ADGRL3: variants seen among roughly 807,000 people sequenced by gnomAD.
ADGRL3 encodes the protein adhesion G protein-coupled receptor L3, also known as calcium-independent alpha-latrotoxin receptor 3.
In ADGRL3, 62 loss-of-function variants were observed where a neutral mutation model predicts 153.5. The ratio of observed to expected loss-of-function variants is 0.40; its 90% confidence interval spans 0.33 to 0.50. The LOEUF is 0.50. Among genes scored for constraint, ADGRL3 ranks in the 20% least tolerant of loss-of-function variants. ADGRL3 has a pLI of 0.47. For synonymous variants in ADGRL3, 710 were observed against 672.5 expected (o/e 1.06, Z -0.86); for missense variants, 1,641 against 1,859.4 (o/e 0.88, Z 2.16).
chr4:61,733,094 A>G lies in ADGRL3; in HGVS notation c.939A>G (p.Ala313=), dbSNP rs1434837207. Residue 313 remains alanine, a synonymous_variant, in exon 8 of 27, where the codon GCA becomes GCG. Transcript: ENST00000683033. The part of the protein sequence containing the change: ...TRIKSGEAII[A]NANYHDTSPY... The stretch of plus-strand genomic sequence containing the variant: ...TAAAGAGTGGAGAGGCTATCATAGC[A>G]AATGCCAATTACCATGATACCTCCC... 3.1e-6 allele frequency: 5 copies of G among 1,613,604 alleles called. No individual in the cohort carries two copies. In the South Asian group the frequency reaches 5.5e-5, roughly 18 times the overall value.
At chr4:61,605,328 G>T (rs2099028279) in intron 5 of ADGRL3, among the ~76,000 whole-genome samples, 1 of 152,096 alleles carries the variant, frequency 6.6e-6, no homozygotes, top group South Asian at 2.1e-4. Flanking sequence ...ATCTTAAAAA[G>T]TAAATAATAT....
At chr4:61,837,074 G>A (rs531014488) in intron 9 of ADGRL3, among the ~76,000 whole-genome samples, 7 of 152,142 alleles carry the variant, frequency 4.6e-5, no homozygotes, top group African/African-American at 1.7e-4. Context: ...GAAATGAAAG[G>A]CTGAGGCTTA....
At chr4:61,231,198 T>G (rs913954138) in intron 1 of ADGRL3, among the ~76,000 whole-genome samples, 3 of 152,232 alleles carry the variant, frequency 2.0e-5, no homozygotes, top group African/African-American at 7.2e-5. Context: ...GTAATGAAAC[T>G]AAATCCATGT....
intron 1 of ADGRL3, among the ~76,000 whole-genome samples, chr4:61,272,724 A>G (rs2093262433): frequency 6.6e-6 from 1 of 152,158 alleles, no homozygotes. Flanking sequence ...TTAATTGTCA[A>G]AACTATTGAA....
At chr4:61,467,840 C>G (rs910171484) in intron 2 of ADGRL3, among the ~76,000 whole-genome samples, 3 of 152,042 alleles carry the variant, frequency 2.0e-5, no homozygotes, top group Non-Finnish European at 4.4e-5. Flanking sequence ...TGTTACTATC[C>G]TTATAAAATA....
chr4:61,436,859 A>G (rs182764990), intron 2 of ADGRL3, among the ~76,000 whole-genome samples: 9 of 147,730 alleles, frequency 6.1e-5, no homozygotes. Flanking sequence ...GAGCATTAGA[A>G]TAATGCTTTT....
intron 9 of ADGRL3, among the ~76,000 whole-genome samples, chr4:61,886,521 A>G (rs1002204745): frequency 3.3e-5 from 5 of 152,206 alleles, no homozygotes; most frequent in Admixed American, 6.5e-5. Flanking sequence ...AGAAAGGTAC[A>G]TATTTAGAGA....
At chr4:61,291,175 TACACACAC>T (rs68037459) in intron 1 of ADGRL3, among the ~76,000 whole-genome samples, 8,072 of 135,410 alleles carry the variant, frequency 0.06, 272 homozygotes, top group Non-Finnish European at 0.087. Flanking sequence ...CCTGGATCAA[TACACACAC>T]ACACACACAC....
intron 19 of ADGRL3, among the ~76,000 whole-genome samples, chr4:61,991,842 T>C (rs945922305): frequency 3.1e-4 from 46 of 149,788 alleles, no homozygotes; most frequent in African/African-American, 1.1e-3. Context: ...GTTTATTCCT[T>C]TCTTATTCTC....
chr4:61,433,154 C>T (rs970774819), intron 2 of ADGRL3, among the ~76,000 whole-genome samples: 1 of 151,948 alleles, frequency 6.6e-6, no homozygotes, highest in Non-Finnish European at 1.5e-5. Flanking sequence ...AAGACTATGT[C>T]TATTTTCTTA....
intron 4 of ADGRL3, among the ~76,000 whole-genome samples, chr4:61,553,403 G>T (rs924123475): frequency 7.9e-5 from 12 of 152,142 alleles, no homozygotes; most frequent in African/African-American, 2.9e-4. Context: ...TTGGGCAGAT[G>T]AGAGAGATTT....
At chr4:61,829,898 G>A (rs1205145119) in intron 9 of ADGRL3, among the ~76,000 whole-genome samples, 1 of 152,092 alleles carries the variant, frequency 6.6e-6, no homozygotes, top group African/African-American at 2.4e-5. Flanking sequence ...TGGACATGGT[G>A]GTTCATGCCT....
At chr4:62,055,510 T>C (rs1736516471) in intron 25 of ADGRL3, among the ~76,000 whole-genome samples, 1 of 151,856 alleles carries the variant, frequency 6.6e-6, no homozygotes, top group Non-Finnish European at 1.5e-5. Flanking sequence ...TTTATGACTT[T>C]AGAAAAAAAT....
At chr4:61,432,638 CTTTCTTTCTTTCTTTCTTTTTT>C (rs2097381060) in intron 2 of ADGRL3, among the ~76,000 whole-genome samples, 3 of 23,944 alleles carry the variant, frequency 1.3e-4, no homozygotes, top group East Asian at 2.0e-3. Context: ...TTCTTTCTTT[CTTTCTTTCTTTCTTTCTTTTTT>C]TTTTTTTTTT....
At chr4:62,016,144 G>A (rs2099210512) in intron 21 of ADGRL3, among the ~76,000 whole-genome samples, 2 of 151,994 alleles carry the variant, frequency 1.3e-5, no homozygotes, top group Admixed American at 6.6e-5. Flanking sequence ...CGCCTCTCAG[G>A]TTCAAGCGAT....
In ADGRL3 at chr4:61,597,741, T is replaced by TA. The variant is rs887235620; in HGVS notation, c.473+10302dup. ...ATGGTATAGCCTTCAGGTTTTCTGTTATAGGTGATATATATTTCATATGTA... is the reference window on the plus strand; with the variant it reads ...ATGGTATAGCCTTCAGGTTTTCTGTTAATAGGTGATATATATTTCATATGTA... On this transcript the variant is annotated intron_variant, in intron 5 of 26. Coordinates refer to ENST00000683033, the MANE Select transcript of ADGRL3 (RefSeq NM_001387552.1). Among the ~76,000 whole-genome samples the TA allele has an allele frequency of 9.0e-4, 137 of 151,982 alleles. 1 individual carries two copies. Among genetic ancestry groups the TA allele is most frequent in the African/African-American group, 3.1e-3 (128 of 41,490 alleles).
intron 1 of ADGRL3, among the ~76,000 whole-genome samples, chr4:61,260,344 G>T (rs769690583): frequency 2.0e-5 from 3 of 152,146 alleles, no homozygotes; most frequent in Non-Finnish European, 4.4e-5. Flanking sequence ...ATCTCTGTCT[G>T]TTCTTTTCTC....
intron 17 of ADGRL3, among the ~76,000 whole-genome samples, chr4:61,964,314 TTATTAATTCAC>T (rs1300221100): frequency 2.0e-5 from 3 of 152,204 alleles, no homozygotes; most frequent in Non-Finnish European, 2.9e-5. Flanking sequence ...GAAATATGAC[TTATTAATTCAC>T]TATTTAACTA....
chr4:61,326,218 T>C (rs1351715251), intron 1 of ADGRL3, among the ~76,000 whole-genome samples: 1 of 152,140 alleles, frequency 6.6e-6, no homozygotes, highest in Non-Finnish European at 1.5e-5. Flanking sequence ...GTAGTTACTA[T>C]TTACTAGGTG....
Sources: gnomAD v4.1 joint callset for allele counts (sites outside exome capture counted in the v4.1 genomes callset) on GRCh38, gnomAD v4.1.1 for gene constraint, MANE v1.5 for transcripts, NCBI Gene and HGNC (gene_info 2026-07-23, HGNC 2026-07-21) for gene names.